Variants in ATP13A5 observed in about 807,000 individuals in gnomAD.
ATP13A5 encodes the protein ATPase 13A5, also known as probable cation-transporting ATPase 13A5.
ATP13A5 carries 149 observed loss-of-function variants against 150.2 expected under a neutral mutation model. The observed-to-expected ratio is 0.99, with a 90% CI of 0.87 to 1.14. The LOEUF (loss-of-function observed/expected upper bound fraction) is 1.14. Ranked by LOEUF, ATP13A5 falls within the 50% of genes most tolerant of loss-of-function variation. The probability of loss-of-function intolerance (pLI) is 0.00; values close to 1 mark genes in which losing one functional copy is unlikely to be tolerated. For synonymous variants in ATP13A5, 497 were observed against 522.2 expected (o/e 0.95, Z 0.66); for missense variants, 1,383 against 1,449.3 (o/e 0.95, Z 0.74).
chr3:193,279,458 A>G lies in ATP13A5; in HGVS notation c.3227-4T>C, dbSNP rs1268001174. ...AGCAGCAGAAATGAAAATATATCTG[A>G]GGAAATACCAAACATTATTTTTAGA... On this transcript the variant is annotated splice_region_variant and splice_polypyrimidine_tract_variant and intron_variant, in intron 27 of 29. Transcript: ENST00000342358. The G allele has an allele frequency of 6.2e-7, 1 of 1,607,978 alleles. No homozygotes were observed. Among genetic ancestry groups the G allele is most frequent in the Non-Finnish European group, 8.5e-7 (1 of 1,174,936 alleles).
intron 1 of ATP13A5, among the ~76,000 whole-genome samples, chr3:193,371,583 T>C (rs1713442615): frequency 6.6e-6 from 1 of 152,192 alleles, no homozygotes; most frequent in Non-Finnish European, 1.5e-5. Context: ...TTGGCAGAAT[T>C]CGGTTCCTTG....
At chr3:193,302,633 C>G (rs934532005) in intron 23 of ATP13A5, among the ~76,000 whole-genome samples, 1 of 152,174 alleles carries the variant, frequency 6.6e-6, no homozygotes, top group Non-Finnish European at 1.5e-5. Flanking sequence ...CTGATATACC[C>G]AGCATAGTGC....
intron 12 of ATP13A5, among the ~76,000 whole-genome samples, chr3:193,327,770 A>T (rs905167651): frequency 6.6e-6 from 1 of 152,158 alleles, no homozygotes; most frequent in Non-Finnish European, 1.5e-5. Flanking sequence ...ACAGGTGTTG[A>T]TGAATTACAT....
chr3:193,318,858 AG>A, intron 17 of ATP13A5, 132 bp downstream of exon 17: 3 of 659,592 alleles, frequency 4.5e-6, no homozygotes, highest in Non-Finnish European at 8.1e-6. Flanking sequence ...TCTCTGAGTC[AG>A]GGGACTGTAC....
intron 17 of ATP13A5, among the ~76,000 whole-genome samples, chr3:193,316,769 G>T (rs929564286): frequency 6.6e-6 from 1 of 152,082 alleles, no homozygotes; most frequent in African/African-American, 2.4e-5. Context: ...TTTATAGGTT[G>T]CTATTTCACT....
chr3:193,279,647 A>G (rs1717390933), intron 27 of ATP13A5, among the ~76,000 whole-genome samples, 193 bp from the exon 28 acceptor site: 1 of 152,140 alleles, frequency 6.6e-6, no homozygotes, highest in South Asian at 2.1e-4. Context: ...TCTTTCCTTG[A>G]AAGTCTGGAT....
chr3:193,350,824 C>T (rs2108890468), intron 7 of ATP13A5, among the ~76,000 whole-genome samples: 1 of 152,246 alleles, frequency 6.6e-6, no homozygotes, highest in African/African-American at 2.4e-5. Flanking sequence ...TCAAATAGAG[C>T]CTCAGAGTGC....
intron 11 of ATP13A5, among the ~76,000 whole-genome samples, chr3:193,333,176 C>T (rs1207777274): frequency 6.6e-6 from 1 of 151,400 alleles, no homozygotes; most frequent in African/African-American, 2.4e-5. Flanking sequence ...CACACAAACA[C>T]ACACACACAC....
intron 1 of ATP13A5, among the ~76,000 whole-genome samples, chr3:193,376,040 C>T (rs891081293): frequency 7.9e-5 from 12 of 152,106 alleles, no homozygotes; most frequent in African/African-American, 2.4e-4. Flanking sequence ...GCAAGTGGGG[C>T]GAGGCTGTCA....
At chr3:193,301,702 T>A (rs766993494) in intron 23 of ATP13A5, among the ~76,000 whole-genome samples, 52 of 152,208 alleles carry the variant, frequency 3.4e-4, no homozygotes, top group Non-Finnish European at 7.1e-4. Flanking sequence ...ACTCATTACA[T>A]CTTAACAATA....
In ATP13A5 at chr3:193,280,707, G is replaced by A. The variant is rs1047658180; in HGVS notation, c.3227-1253C>T. 3.9e-5 allele frequency among the ~76,000 whole-genome samples: 6 copies of A among 152,024 alleles called. No homozygotes were observed. In the East Asian group the frequency reaches 5.8e-4, roughly 15 times the overall value. On this transcript the variant is annotated intron_variant, in intron 27 of 29. Coordinates refer to ENST00000342358, the MANE Select transcript of ATP13A5 (RefSeq NM_198505.4). The stretch of plus-strand genomic sequence containing the variant: ...GCCTTTAGCAGAGCACTTTAGAGAC[G>A]GTACCTTAGAAATATTATTTTTTAA...
At chr3:193,371,594 C>T (rs113250281) in intron 1 of ATP13A5, among the ~76,000 whole-genome samples, 2,937 of 152,226 alleles carry the variant, frequency 0.019, 104 homozygotes, top group African/African-American at 0.066. Context: ...CGGTTCCTTG[C>T]GGCCTTAAGA....
intron 21 of ATP13A5, among the ~76,000 whole-genome samples, chr3:193,309,354 C>G (rs1718750500): frequency 6.6e-6 from 1 of 152,162 alleles, no homozygotes; most frequent in South Asian, 2.1e-4. Context: ...CCCCATTTTT[C>G]TGATTCTAAG....
At chr3:193,285,203 G>A in intron 26 of ATP13A5, 87 bp from the exon 27 acceptor site, 1 of 1,115,532 alleles carries the variant, frequency 9.0e-7, no homozygotes, top group South Asian at 1.6e-5. Flanking sequence ...TCACTACCAT[G>A]GGATTTTAGC....
At chr3:193,326,953 AACTCCACCAAAC>A (rs1396464456) in intron 13 of ATP13A5, 31 bp downstream of exon 13, 1 of 1,550,228 alleles carries the variant, frequency 6.5e-7, no homozygotes, top group Non-Finnish European at 8.9e-7. Context: ...TCATCCAGGT[AACTCCACCAAAC>A]ACACCTTCCA....
chr3:193,306,523 A>G (rs564002926), intron 22 of ATP13A5, among the ~76,000 whole-genome samples: 133 of 152,302 alleles, frequency 8.7e-4, no homozygotes, highest in African/African-American at 2.9e-3. Flanking sequence ...CACAGTTTTC[A>G]CAGAAATTTG....
At chr3:193,343,710 A>T (rs1458707014) in intron 9 of ATP13A5, among the ~76,000 whole-genome samples, 2 of 152,144 alleles carry the variant, frequency 1.3e-5, no homozygotes, top group Non-Finnish European at 2.9e-5. Context: ...CATATTAAAC[A>T]TTTGTTTTCA....
chr3:193,316,063 G>A (rs1389238243), intron 17 of ATP13A5, among the ~76,000 whole-genome samples: 1 of 151,960 alleles, frequency 6.6e-6, no homozygotes, highest in East Asian at 1.9e-4. Flanking sequence ...CACAGTATTA[G>A]GCCTTCTGTG....
rs765340054 is a variant in ATP13A5 at position 193,275,021 on chromosome 3, C to T, written c.*21G>A. On this transcript the variant is annotated 3_prime_UTR_variant, in exon 30 of 30. Transcript: ENST00000342358. ...TGGGGAAAAAAGCAATGCTGTTGAG[C>T]ATGTACGACGACAATTCTGATTACA... 3 of 1,612,850 alleles carry T rather than the reference C, an allele frequency of 1.9e-6. No homozygotes were observed. The highest frequency in any genetic ancestry group is 2.2e-5 in the East Asian group (1 of 44,890).
Sources: gnomAD v4.1 joint callset for allele counts (sites outside exome capture counted in the v4.1 genomes callset) on GRCh38, gnomAD v4.1.1 for gene constraint, MANE v1.5 for transcripts, NCBI Gene and HGNC (gene_info 2026-07-23, HGNC 2026-07-21) for gene names.